ZNRF3: variants seen among roughly 807,000 people sequenced by gnomAD.
ZNRF3 encodes the protein zinc and ring finger 3, also known as E3 ubiquitin-protein ligase ZNRF3.
Under a neutral mutation model 72.5 loss-of-function variants are expected in ZNRF3, and 23 were observed. The ratio of observed to expected loss-of-function variants is 0.32; its 90% CI spans 0.23 to 0.45. The LOEUF is 0.45. Among genes scored for constraint, ZNRF3 ranks in the 20% least tolerant of loss-of-function variants. The probability of loss-of-function intolerance (pLI) is 1.00; values close to 1 mark genes in which losing one functional copy is unlikely to be tolerated. For missense variants in ZNRF3, 1,169 were observed against 1,272.1 expected (o/e 0.92, Z 1.23); for synonymous variants, 610 against 545.3 (o/e 1.12, Z -1.65).
chr22:28,934,837 A>G (rs1005181015), intron 1 of ZNRF3, among the ~76,000 whole-genome samples: 13 of 151,454 alleles, frequency 8.6e-5, no homozygotes, highest in African/African-American at 3.2e-4. Context: ...AAAAAAAAAA[A>G]AGTATATTGA....
intron 1 of ZNRF3, among the ~76,000 whole-genome samples, chr22:28,968,544 T>C (rs1354979327): frequency 6.6e-6 from 1 of 151,994 alleles, no homozygotes; most frequent in Non-Finnish European, 1.5e-5. Context: ...ACCCTGTCTC[T>C]ACTAAAAATA....
chr22:29,033,485 G>A (rs756989569), intron 2 of ZNRF3, among the ~76,000 whole-genome samples: 4 of 152,136 alleles, frequency 2.6e-5, no homozygotes, highest in Non-Finnish European at 5.9e-5. Flanking sequence ...GGTGGTGCAG[G>A]TCAGATCCAT....
At chr22:28,929,057 A>C (rs1023733710) in intron 1 of ZNRF3, among the ~76,000 whole-genome samples, 1 of 152,196 alleles carries the variant, frequency 6.6e-6, no homozygotes, top group African/African-American at 2.4e-5. Context: ...CCATGAGACA[A>C]AAAAAGAACA....
chr22:29,006,432 G>C (rs984706140), intron 2 of ZNRF3, among the ~76,000 whole-genome samples: 1 of 152,052 alleles, frequency 6.6e-6, no homozygotes, highest in African/African-American at 2.4e-5. Context: ...GGCTGGTCTC[G>C]AACTCCTGAC....
In ZNRF3 at chr22:29,055,887, G is replaced by C. The variant is rs561561247; in HGVS notation, c.*2265G>C. The stretch of plus-strand genomic sequence containing the variant: ...CGAACTCCCAAAGTGGCTTTCTTTA[G>C]CCCTGGCTGGAAAACCACCTCTCAA... On this transcript the variant is annotated 3_prime_UTR_variant, in exon 9 of 9. Coordinates refer to ENST00000544604, the MANE Select transcript of ZNRF3 (RefSeq NM_001206998.2). The C allele has an allele frequency of 1.4e-4, 22 of 151,974 alleles. No individual in the cohort carries two copies. The highest frequency in any genetic ancestry group is 5.1e-4 in the African/African-American group (21 of 41,444). The allele number at this position is 151,974 out of a possible 1,614,324, so 9.4% of individuals were successfully genotyped here. A position where few individuals can be genotyped will look rare whatever the true frequency, so the allele number is the denominator to read the frequency against.
At chr22:28,936,865 G>A (rs1031424073) in intron 1 of ZNRF3, among the ~76,000 whole-genome samples, 8 of 152,174 alleles carry the variant, frequency 5.3e-5, no homozygotes, top group Non-Finnish European at 1.0e-4. Context: ...TGTCCAAGGA[G>A]TCTCAGAATG....
Position 29,044,765 on chromosome 22 carries a change from T to C in ZNRF3, c.634-15T>C. 6.3e-7 allele frequency: 1 copy of C among 1,585,668 alleles called. No individual in the cohort carries two copies. Among genetic ancestry groups the C allele is most frequent in the Non-Finnish European group, 8.7e-7 (1 of 1,154,010 alleles). ...GAGAGAGGCTGTGACTCACTGTGTC[T>C]GTGTTCCGTTCCAGCAACCCACTGA... On this transcript the variant is annotated splice_polypyrimidine_tract_variant and intron_variant, in intron 4 of 8. Transcript: ENST00000544604.
intron 2 of ZNRF3, among the ~76,000 whole-genome samples, chr22:29,034,775 C>T (rs2036835170): frequency 6.6e-6 from 1 of 152,146 alleles, no homozygotes; most frequent in Admixed American, 6.5e-5. Flanking sequence ...ATTGACTCTC[C>T]TGGACTCTTC....
chr22:29,028,797 T>C (rs1239848103), intron 2 of ZNRF3, among the ~76,000 whole-genome samples: 1 of 152,178 alleles, frequency 6.6e-6, no homozygotes, highest in Non-Finnish European at 1.5e-5. Context: ...ATAGGTACTT[T>C]CCTTACTTTC....
chr22:29,048,289 C>A lies in ZNRF3; in HGVS notation c.913-100C>A. The A allele has an allele frequency of 1.1e-6, 1 of 893,610 alleles. No individual in the cohort carries two copies. The highest frequency in any genetic ancestry group is 1.7e-6 in the Non-Finnish European group (1 of 572,570). The allele number at this position is 893,610 out of a possible 1,614,324, so 55.4% of individuals were successfully genotyped here. A position where few individuals can be genotyped will look rare whatever the true frequency, so the allele number is the denominator to read the frequency against. ...GTGGGGAGGAGAGTAGGGAAGGGCA[C>A]GGGCATGCTGTGCAGAACTCCTTGG... On this transcript the variant is annotated intron_variant, in intron 6 of 8. Coordinates refer to ENST00000544604, the MANE Select transcript of ZNRF3 (RefSeq NM_001206998.2). The surrounding 1 kb of genome is among the most constrained non-coding windows in gnomAD (Gnocchi z 4.9).
intron 1 of ZNRF3, among the ~76,000 whole-genome samples, chr22:28,927,551 C>T (rs2034626681): frequency 6.6e-6 from 1 of 152,206 alleles, no homozygotes; most frequent in African/African-American, 2.4e-5. Context: ...TTGCTTTGCT[C>T]TGTATCCCCT....
intron 2 of ZNRF3, among the ~76,000 whole-genome samples, chr22:29,020,764 TGTGTGTGTGTGG>T (rs1183733267): frequency 3.8e-4 from 21 of 55,472 alleles, no homozygotes; most frequent in African/African-American, 9.5e-4. Flanking sequence ...GCTTTGTTTT[TGTGTGTGTGTGG>T]GTGTGTGTGT....
chr22:28,999,251 T>A (rs1418964769), intron 2 of ZNRF3, among the ~76,000 whole-genome samples: 1 of 151,896 alleles, frequency 6.6e-6, no homozygotes, highest in African/African-American at 2.4e-5. Flanking sequence ...GGAGAATTGC[T>A]TGAACCTGGG....
At chr22:28,887,937 T>C (rs2033820614) in intron 1 of ZNRF3, among the ~76,000 whole-genome samples, 1 of 151,900 alleles carries the variant, frequency 6.6e-6, no homozygotes, top group Non-Finnish European at 1.5e-5. Context: ...TTGCTAGAGA[T>C]GAAAGATTGT....
intron 1 of ZNRF3, among the ~76,000 whole-genome samples, chr22:28,984,144 T>A (rs532273153): frequency 1.9e-4 from 29 of 152,136 alleles, no homozygotes; most frequent in Non-Finnish European, 2.9e-4. Context: ...AAAAAACCTT[T>A]TAATTGTGAA....
intron 1 of ZNRF3, among the ~76,000 whole-genome samples, chr22:28,904,384 A>ACTCAACTG (rs1188026940): frequency 1.3e-4 from 20 of 152,170 alleles, no homozygotes; most frequent in African/African-American, 4.8e-4. Flanking sequence ...CCTTATTAAA[A>ACTCAACTG]CTCAACTGCT....
At chr22:29,042,980 G>A (rs566691852) in intron 3 of ZNRF3, among the ~76,000 whole-genome samples, 57 of 152,144 alleles carry the variant, frequency 3.7e-4, no homozygotes, top group African/African-American at 1.3e-3. Flanking sequence ...TCACCATGTT[G>A]GCCAGGCTGG....
Position 29,049,682 on chromosome 22 carries a change from C to G in ZNRF3, c.1501C>G (p.Pro501Ala), listed in dbSNP as rs780250301. 9.0e-5 allele frequency: 144 copies of G among 1,607,960 alleles called. No homozygotes were observed. The highest frequency in any genetic ancestry group is 2.2e-4 in the East Asian group (10 of 44,840). ...CCGGGGCCCGGCCCGTGCCTTTCCT[C>G]CGAGCGGCAGTGGCAGCCTGCTCTT... ...APRGPARAFP[P>A]SGSGSLLFPT... Residue 501 changes from proline (P) to alanine (A), a missense_variant, in exon 8 of 9, where the codon CCG becomes GCG. By Grantham distance (27) the Pro-to-Ala change is conservative. Coordinates refer to ENST00000544604, the MANE Select transcript of ZNRF3 (RefSeq NM_001206998.2). The surrounding 1 kb of genome is among the most constrained non-coding windows in gnomAD (Gnocchi z 5.2).
At chr22:28,899,076 C>G (rs549910679) in intron 1 of ZNRF3, among the ~76,000 whole-genome samples, 19 of 152,020 alleles carry the variant, frequency 1.2e-4, no homozygotes, top group African/African-American at 3.9e-4. Flanking sequence ...ATGGCATGTT[C>G]ACTCCAGAAA....
Sources: allele counts gnomAD v4.1 joint callset (sites outside exome capture counted in the v4.1 genomes callset), GRCh38; gene constraint gnomAD v4.1.1; non-coding constraint Gnocchi (gnomAD v3.1); transcripts MANE v1.5; gene names NCBI Gene and HGNC (gene_info 2026-07-23, HGNC 2026-07-21).